MLLT10: variants seen among roughly 807,000 people sequenced by gnomAD.
MLLT10 encodes the protein MLLT10 histone lysine methyltransferase DOT1L cofactor.
Under a neutral mutation model 129.1 loss-of-function variants are expected in MLLT10, and 30 were observed. The observed-to-expected ratio is 0.23, with a 90% confidence interval of 0.17 to 0.32. The LOEUF (loss-of-function observed/expected upper bound fraction) is 0.32, where lower values mean the gene tolerates loss of function less well. MLLT10 is among the 10% of genes least tolerant of loss of function. The probability of loss-of-function intolerance (pLI) is 1.00; values close to 1 mark genes in which losing one functional copy is unlikely to be tolerated. For synonymous variants in MLLT10, 490 were observed against 446.4 expected (o/e 1.10, Z -1.23); for missense variants, 1,119 against 1,268.3 (o/e 0.88, Z 1.79).
At chr10:21,578,740 T>C (rs1020245565) in intron 3 of MLLT10, among the ~76,000 whole-genome samples, 3 of 152,240 alleles carry the variant, frequency 2.0e-5, no homozygotes, top group Admixed American at 2.0e-4. Flanking sequence ...TTACCACTTA[T>C]GGGTAATATT....
At chr10:21,580,021 G>GTT (rs572476982) in intron 3 of MLLT10, among the ~76,000 whole-genome samples, 22 of 141,594 alleles carry the variant, frequency 1.6e-4, no homozygotes, top group Admixed American at 1.2e-3. Context: ...TTTTTTCTTT[G>GTT]TTTTTTTTTT....
chr10:21,710,063 G>A (rs1027202795), intron 13 of MLLT10, among the ~76,000 whole-genome samples: 5 of 152,288 alleles, frequency 3.3e-5, no homozygotes, highest in South Asian at 2.1e-4. Flanking sequence ...AATTCTTAGA[G>A]CAGTTTATAA....
At chr10:21,539,412 CT>C (rs370995933) in intron 3 of MLLT10, among the ~76,000 whole-genome samples, 6,726 of 120,654 alleles carry the variant, frequency 0.056, 288 homozygotes, top group East Asian at 0.15. Context: ...ACATAAAAAT[CT>C]TTTTTTTTTT....
intron 3 of MLLT10, among the ~76,000 whole-genome samples, chr10:21,573,453 T>G (rs543945318): frequency 2.0e-5 from 3 of 152,226 alleles, no homozygotes; most frequent in Non-Finnish European, 4.4e-5. Flanking sequence ...AGGGTTTGTG[T>G]CATGAATGGA....
intron 3 of MLLT10, among the ~76,000 whole-genome samples, chr10:21,542,205 G>A (rs932822505): frequency 3.3e-5 from 5 of 152,082 alleles, no homozygotes; most frequent in East Asian, 1.9e-4. Flanking sequence ...CACTTGTTAC[G>A]TGCTTCCACT....
At chr10:21,737,018 T>C (rs1224239157) in intron 21 of MLLT10, among the ~76,000 whole-genome samples, 2 of 152,154 alleles carry the variant, frequency 1.3e-5, no homozygotes, top group African/African-American at 4.8e-5. Flanking sequence ...AAGGAAATGT[T>C]TCCAGAAAGG....
At chr10:21,680,120 C>G (rs1301128440) in intron 11 of MLLT10, among the ~76,000 whole-genome samples, 1 of 152,114 alleles carries the variant, frequency 6.6e-6, no homozygotes, top group African/African-American at 2.4e-5. Flanking sequence ...TCCTTGTTCT[C>G]TGCACCCTCT....
chr10:21,581,996 T>C (rs1268697418), intron 3 of MLLT10, among the ~76,000 whole-genome samples: 3 of 152,306 alleles, frequency 2.0e-5, no homozygotes, highest in African/African-American at 4.8e-5. Flanking sequence ...GCAATAGGAA[T>C]TTTTTAGTTC....
intron 8 of MLLT10, among the ~76,000 whole-genome samples, chr10:21,647,032 T>G (rs1177433321): frequency 6.6e-6 from 1 of 152,118 alleles, no homozygotes; most frequent in Admixed American, 6.5e-5. Context: ...ATCTTTTGTA[T>G]TTTTAGTAGA....
At chr10:21,638,647 C>T (rs2047689691) in intron 8 of MLLT10, among the ~76,000 whole-genome samples, 1 of 152,082 alleles carries the variant, frequency 6.6e-6, no homozygotes. Flanking sequence ...CGTGAGACCC[C>T]ATCACTATTT....
chr10:21,715,723 G>A (rs1011866369), intron 14 of MLLT10, among the ~76,000 whole-genome samples: 2 of 152,170 alleles, frequency 1.3e-5, no homozygotes, highest in African/African-American at 2.4e-5. Flanking sequence ...GTAGAGAAGA[G>A]AAGTTTATAG....
At chr10:21,706,454 C>T (rs919378466) in intron 13 of MLLT10, among the ~76,000 whole-genome samples, 5 of 152,132 alleles carry the variant, frequency 3.3e-5, no homozygotes, top group African/African-American at 1.2e-4. Context: ...GTTATTTGCA[C>T]GAGGGAGCAG....
chr10:21,727,826 T>C, intron 15 of MLLT10, 30 bp from the exon 16 acceptor site: 1 of 1,585,360 alleles, frequency 6.3e-7, no homozygotes. Flanking sequence ...TGAGAGTCAC[T>C]TTATCAGCTC....
chr10:21,730,088 T>G (rs2057832469), intron 16 of MLLT10, among the ~76,000 whole-genome samples: 1 of 151,860 alleles, frequency 6.6e-6, no homozygotes, highest in African/African-American at 2.4e-5. Flanking sequence ...GGCAACATGG[T>G]GAAACTCCGT....
rs779632898 is a variant in MLLT10, at chr10:21,691,480, A to G, written c.1699+9223A>G. ...AATTTTGCTTCTCATACTTTTTTCC[A>G]TCATGCATGCATTAGGAGCAACTAA... On this transcript the variant is annotated intron_variant, in intron 13 of 22. Coordinates refer to ENST00000307729, the MANE Select transcript of MLLT10 (RefSeq NM_001195626.3). Among the ~76,000 whole-genome samples the G allele has an allele frequency of 5.3e-5, 8 of 152,300 alleles. No homozygotes were observed. The South Asian group carries it at 8.3e-4, about 16-fold the overall frequency.
At position 21,673,788 on chromosome 10, in the gene MLLT10, C is replaced by G; in HGVS notation, c.1490C>G (p.Ser497Cys). 1 of 1,614,168 alleles carries G rather than the reference C, an allele frequency of 6.2e-7. No individual in the cohort carries two copies. The highest frequency in any genetic ancestry group is 1.1e-5 in the South Asian group (1 of 91,078). ...QENVSHLSVS[S>C]ASPTSSVASA... is the part of the protein sequence containing the mutation. ...AATGTTTCTCATCTCTCAGTTTCTT[C>G]TGCTTCACCAACATCATCTGTAGCA... The change falls in exon 11 of 23, where the codon TCT (serine) becomes TGT (cysteine). Residue 497 changes from serine (S) to cysteine (C), a missense_variant. Physicochemically the swap from Ser to Cys is moderately radical, Grantham distance 112 (BLOSUM62 -1). Around this residue, in one of 5 missense-constraint regions of MLLT10, gnomAD observed 1,004 missense variants for 1,008.7 expected, o/e 1.00. Transcript: ENST00000307729.
chr10:21,701,209 CTTT>C (rs78462656), intron 13 of MLLT10, among the ~76,000 whole-genome samples: 1 of 148,276 alleles, frequency 6.7e-6, no homozygotes, highest in Non-Finnish European at 1.5e-5. Flanking sequence ...GTTCTTACCT[CTTT>C]TTTTTGCCTT....
At chr10:21,646,413 C>CT (rs750980653) in intron 8 of MLLT10, among the ~76,000 whole-genome samples, 20 of 151,740 alleles carry the variant, frequency 1.3e-4, no homozygotes, top group Admixed American at 1.1e-3. Flanking sequence ...TCCTTTCTTT[C>CT]TTTTTTTCCC....
chr10:21,677,953 A>G (rs1241606137), intron 11 of MLLT10, among the ~76,000 whole-genome samples: 6 of 152,242 alleles, frequency 3.9e-5, no homozygotes, highest in African/African-American at 1.4e-4. Context: ...AGTAAACGTT[A>G]AACATTATTT....
Sources: gnomAD v4.1 joint callset for allele counts (sites outside exome capture counted in the v4.1 genomes callset) on GRCh38, gnomAD v4.1.1 for gene constraint, gnomAD v4.1.1 regional missense constraint, MANE v1.5 for transcripts, NCBI Gene and HGNC (gene_info 2026-07-23, HGNC 2026-07-21) for gene names.